SLC12A2: variants seen among roughly 807,000 people sequenced by gnomAD.
The protein encoded by SLC12A2 is solute carrier family 12 member 2.
In SLC12A2, 67 loss-of-function variants were observed where a neutral mutation model predicts 136.3. The ratio of observed to expected loss-of-function variants is 0.49; its 90% confidence interval spans 0.40 to 0.60. SLC12A2 has a LOEUF of 0.60. Among genes scored for constraint, SLC12A2 ranks in the 20% least tolerant of loss-of-function variants. The pLI is 0.00. For missense variants in SLC12A2, 1,322 were observed against 1,534.7 expected (o/e 0.86, Z 2.32); for synonymous variants, 619 against 562.9 (o/e 1.10, Z -1.41).
At chr5:128,106,658 C>A (rs893758834) in intron 1 of SLC12A2, among the ~76,000 whole-genome samples, 17 of 152,106 alleles carry the variant, frequency 1.1e-4, no homozygotes, top group African/African-American at 4.1e-4. Context: ...GTGGACATAC[C>A]TTTATTTTAA....
At chr5:128,163,090 G>T (rs1487897705) in intron 17 of SLC12A2, among the ~76,000 whole-genome samples, 3 of 152,154 alleles carry the variant, frequency 2.0e-5, no homozygotes, top group Non-Finnish European at 2.9e-5. Flanking sequence ...TTGAACTGCT[G>T]TGGTAATGTA....
At chr5:128,095,123 C>A (rs907248896) in intron 1 of SLC12A2, among the ~76,000 whole-genome samples, 3 of 152,040 alleles carry the variant, frequency 2.0e-5, no homozygotes, top group African/African-American at 7.2e-5. Context: ...TAGGATCCTT[C>A]CTTAAATAAA....
intron 4 of SLC12A2, among the ~76,000 whole-genome samples, chr5:128,118,054 A>T (rs900211016): frequency 1.3e-5 from 2 of 152,170 alleles, no homozygotes; most frequent in African/African-American, 4.8e-5. Flanking sequence ...TAATTAAAAA[A>T]AATAATAAAA....
chr5:128,157,761 A>G (rs1229086369), intron 15 of SLC12A2, among the ~76,000 whole-genome samples: 1 of 152,190 alleles, frequency 6.6e-6, no homozygotes, highest in Non-Finnish European at 1.5e-5. Flanking sequence ...AAATTGTTAT[A>G]TATTTTTTTA....
intron 4 of SLC12A2, among the ~76,000 whole-genome samples, chr5:128,115,483 C>T (rs1405761175): frequency 6.6e-6 from 1 of 152,140 alleles, no homozygotes; most frequent in Admixed American, 6.5e-5. Flanking sequence ...TGAGGCCTCT[C>T]ATTAGAGTCT....
chr5:128,110,113 T>G, intron 1 of SLC12A2: 1 of 936,652 alleles, frequency 1.1e-6, no homozygotes, highest in East Asian at 2.4e-5. Flanking sequence ...CATGTAGGTT[T>G]TAGAATTTTC....
At chr5:128,152,581 A>G (rs1762738700) in intron 14 of SLC12A2, 125 bp from the exon 15 acceptor site, 1 of 687,506 alleles carries the variant, frequency 1.5e-6, no homozygotes, top group African/African-American at 1.7e-5. Flanking sequence ...TTGAAAGTAC[A>G]ATAGTGTATT....
At chr5:128,094,984 T>C (rs1312829766) in intron 1 of SLC12A2, among the ~76,000 whole-genome samples, 1 of 152,132 alleles carries the variant, frequency 6.6e-6, no homozygotes, top group Admixed American at 6.6e-5. Flanking sequence ...GATAGTGCTG[T>C]CAAGGGAGGT....
At chr5:128,120,162 C>A (rs1377023191) in intron 4 of SLC12A2, among the ~76,000 whole-genome samples, 2 of 152,050 alleles carry the variant, frequency 1.3e-5, no homozygotes, top group Non-Finnish European at 2.9e-5. Flanking sequence ...CAATGAGATA[C>A]CATCTCACAC....
rs1242639123 is a variant in SLC12A2, at chr5:128,182,961, T to A, written c.3299+20T>A. ...AGAAAAGTAAGTTACTCTACAAATT[T>A]CTGATCCCTTTATAGATGGCCTACT... On this transcript the variant is annotated intron_variant, in intron 24 of 26. Transcript: ENST00000262461. 6.6e-7 allele frequency: 1 copy of A among 1,505,300 alleles called. No individual in the cohort carries two copies. 93.2% of individuals were successfully genotyped at this position (1,505,300 alleles called of 1,614,324 possible). A position where few individuals can be genotyped will look rare whatever the true frequency, so the allele number is the denominator to read the frequency against.
At chr5:128,130,996 T>C (rs1281782865) in intron 4 of SLC12A2, 71 bp from the exon 5 acceptor site, 34 of 1,446,726 alleles carry the variant, frequency 2.4e-5, no homozygotes, top group Non-Finnish European at 2.9e-5. Flanking sequence ...TCATGTATAA[T>C]TAAAGGATAA....
intron 1 of SLC12A2, among the ~76,000 whole-genome samples, chr5:128,088,917 C>T (rs1418391681): frequency 6.6e-6 from 1 of 151,994 alleles, no homozygotes; most frequent in Non-Finnish European, 1.5e-5. Flanking sequence ...TCCTGTAATC[C>T]CAGCACTTTG....
chr5:128,129,688 CAA>C (rs1210666107), intron 4 of SLC12A2, among the ~76,000 whole-genome samples: 3 of 151,958 alleles, frequency 2.0e-5, no homozygotes, highest in African/African-American at 7.2e-5. Flanking sequence ...ACAATAGAAA[CAA>C]ATATTCAGCT....
At chr5:128,090,267 A>G (rs535711477) in intron 1 of SLC12A2, among the ~76,000 whole-genome samples, 1 of 152,334 alleles carries the variant, frequency 6.6e-6, no homozygotes, top group African/African-American at 2.4e-5. Flanking sequence ...AATGTAGCAA[A>G]AAATCAGTAC....
chr5:128,110,955 C>G, intron 1 of SLC12A2: 1 of 819,270 alleles, frequency 1.2e-6, no homozygotes, highest in Non-Finnish European at 2.2e-6. Flanking sequence ...ATGACCTCTT[C>G]CCTTGCACTT....
At chr5:128,149,660 G>A (rs1762636188) in intron 12 of SLC12A2, among the ~76,000 whole-genome samples, 1 of 151,702 alleles carries the variant, frequency 6.6e-6, no homozygotes. Flanking sequence ...TGATACATAT[G>A]GTATGCTATT....
intron 24 of SLC12A2, 136 bp from the exon 25 acceptor site, chr5:128,184,230 A>T: frequency 1.9e-6 from 1 of 528,760 alleles, no homozygotes; most frequent in Non-Finnish European, 3.3e-6. Context: ...CAAACTGATT[A>T]TTATGGTTGG....
At chr5:128,100,637 A>G (rs148391952) in intron 1 of SLC12A2, among the ~76,000 whole-genome samples, 1 of 152,214 alleles carries the variant, frequency 6.6e-6, no homozygotes, top group Non-Finnish European at 1.5e-5. Flanking sequence ...TGTATACTAA[A>G]ATGTAGTTTT....
chr5:128,128,915 T>TC (rs1482113805), intron 4 of SLC12A2, among the ~76,000 whole-genome samples: 4 of 152,048 alleles, frequency 2.6e-5, no homozygotes, highest in African/African-American at 9.7e-5. Context: ...GTTTTTACAT[T>TC]CTTATCCATG....
Sources: gnomAD v4.1 joint callset for allele counts (sites outside exome capture counted in the v4.1 genomes callset) on GRCh38, gnomAD v4.1.1 for gene constraint, MANE v1.5 for transcripts, NCBI Gene and HGNC (gene_info 2026-07-23, HGNC 2026-07-21) for gene names.